MPPED2: variants seen among roughly 807,000 people sequenced by gnomAD.
MPPED2 encodes the protein metallophosphoesterase domain containing 2.
Under a neutral mutation model 33.0 loss-of-function variants are expected in MPPED2, and 5 were observed. The ratio of observed to expected loss-of-function variants is 0.15; its 90% CI spans 0.08 to 0.32. MPPED2 has a LOEUF of 0.32. MPPED2 is among the 10% of genes least tolerant of loss of function. The pLI is 1.00. For synonymous variants in MPPED2, 136 were observed against 141.9 expected, an observed-to-expected ratio of 0.96 and a Z score of 0.29; for missense variants, 275 against 372.1, an observed-to-expected ratio of 0.74 and a Z score of 2.15.
chr11:30,439,240 T>G (rs1490749708), intron 4 of MPPED2, among the ~76,000 whole-genome samples: 2 of 152,226 alleles, frequency 1.3e-5, no homozygotes, highest in East Asian at 3.8e-4. Flanking sequence ...ATGGCAATTA[T>G]TCTATTTTAG....
At chr11:30,442,421 A>G (rs1949618980) in intron 4 of MPPED2, among the ~76,000 whole-genome samples, 1 of 152,244 alleles carries the variant, frequency 6.6e-6, no homozygotes, top group Non-Finnish European at 1.5e-5. Context: ...TCAGGACAGC[A>G]GGGAAAACGG....
chr11:30,556,416 C>T (rs1565181245), intron 2 of MPPED2, among the ~76,000 whole-genome samples: 1 of 152,174 alleles, frequency 6.6e-6, no homozygotes, highest in African/African-American at 2.4e-5. Context: ...GTGGAACTAT[C>T]CCAAAAATAT....
chr11:30,512,201 A>T lies in MPPED2; in HGVS notation c.311-16680T>A, dbSNP rs544890348. On this transcript the variant is annotated intron_variant, in intron 3 of 6. Transcript: ENST00000358117. ...GGAAGATGTCCTCATGACTAGGGCC[A>T]TGCACCTTGGTTCCAGGGTCCCCTT... Among the ~76,000 whole-genome samples, 3 of 152,286 alleles carry T rather than the reference A, an allele frequency of 2.0e-5. No homozygotes were observed. In the East Asian group the frequency reaches 5.8e-4, roughly 30 times the overall value.
At chr11:30,486,339 A>G (rs182223190) in intron 4 of MPPED2, among the ~76,000 whole-genome samples, 1 of 151,148 alleles carries the variant, frequency 6.6e-6, no homozygotes, top group African/African-American at 2.4e-5. Context: ...GTGTTTGTCA[A>G]GTAGCCTGAA....
chr11:30,504,609 A>G, intron 3 of MPPED2: 1 of 413,276 alleles, frequency 2.4e-6, no homozygotes, highest in Admixed American at 3.1e-5. Flanking sequence ...GTTTGCACTC[A>G]CTTGACTCAG....
chr11:30,451,425 G>A (rs1305553031), intron 4 of MPPED2, among the ~76,000 whole-genome samples: 1 of 152,210 alleles, frequency 6.6e-6, no homozygotes, highest in Non-Finnish European at 1.5e-5. Flanking sequence ...CAGACTGAGG[G>A]ATGTGGTCTT....
chr11:30,426,371 G>C (rs1286471171), intron 4 of MPPED2, among the ~76,000 whole-genome samples: 1 of 149,632 alleles, frequency 6.7e-6, no homozygotes, highest in Admixed American at 6.6e-5. Context: ...ATATGCCATT[G>C]TGTGGGTATG....
chr11:30,513,666 T>TA (rs1953355718), intron 3 of MPPED2, among the ~76,000 whole-genome samples: 1 of 152,184 alleles, frequency 6.6e-6, no homozygotes, highest in South Asian at 2.1e-4. Flanking sequence ...CAGGAACCTG[T>TA]AATCTTCTCT....
chr11:30,562,303 C>T (rs747516812), intron 2 of MPPED2, among the ~76,000 whole-genome samples: 18 of 152,270 alleles, frequency 1.2e-4, no homozygotes, highest in South Asian at 2.1e-4. Flanking sequence ...TGCTGCCAGA[C>T]TTGAGAAGAA....
At chr11:30,473,750 G>A (rs1377471100) in intron 4 of MPPED2, among the ~76,000 whole-genome samples, 1 of 152,174 alleles carries the variant, frequency 6.6e-6, no homozygotes, top group Non-Finnish European at 1.5e-5. Flanking sequence ...ATTCAAGACA[G>A]TTACCATGTT....
At chr11:30,391,239 G>C (rs1947770620) in intron 6 of MPPED2, among the ~76,000 whole-genome samples, 2 of 152,276 alleles carry the variant, frequency 1.3e-5, no homozygotes, top group South Asian at 4.2e-4. Flanking sequence ...CTGGAGGGAA[G>C]CTCAGCAGCT....
At chr11:30,432,312 G>A (rs1166530148) in intron 4 of MPPED2, among the ~76,000 whole-genome samples, 1 of 152,112 alleles carries the variant, frequency 6.6e-6, no homozygotes, top group Non-Finnish European at 1.5e-5. Flanking sequence ...TCATTTTTCC[G>A]ATACTCAGTC....
chr11:30,515,079 AG>A (rs1468653210), intron 3 of MPPED2, among the ~76,000 whole-genome samples: 1 of 152,174 alleles, frequency 6.6e-6, no homozygotes, highest in Non-Finnish European at 1.5e-5. Flanking sequence ...TGGGCAAAAG[AG>A]TGAGACTCTA....
At chr11:30,520,276 T>G (rs1462108326) in intron 3 of MPPED2, among the ~76,000 whole-genome samples, 1 of 152,178 alleles carries the variant, frequency 6.6e-6, no homozygotes, top group African/African-American at 2.4e-5. Flanking sequence ...TGCAATAACA[T>G]CTATGATAGA....
At chr11:30,516,072 C>T (rs930999895) in intron 3 of MPPED2, among the ~76,000 whole-genome samples, 2 of 152,128 alleles carry the variant, frequency 1.3e-5, no homozygotes, top group Admixed American at 6.6e-5. Context: ...AGAGACACTG[C>T]TGATAAATCA....
intron 4 of MPPED2, among the ~76,000 whole-genome samples, chr11:30,454,489 A>AT (rs531016305): frequency 3.3e-5 from 5 of 151,670 alleles, no homozygotes; most frequent in East Asian, 1.9e-4. Context: ...AAAATTATAA[A>AT]TTTTTTTTTA....
chr11:30,408,084 C>T (rs1181602452), downstream of MPPED2, among the ~76,000 whole-genome samples: 2 of 152,100 alleles, frequency 1.3e-5, no homozygotes, highest in East Asian at 3.9e-4. Flanking sequence ...TCATCACCCC[C>T]GTTTTACATA....
intron 3 of MPPED2, among the ~76,000 whole-genome samples, chr11:30,530,872 G>A (rs2134445106): frequency 6.6e-6 from 1 of 152,336 alleles, no homozygotes; most frequent in East Asian, 1.9e-4. Context: ...CAACGTGCAG[G>A]AAGAACACAC....
chr11:30,464,530 T>G (rs1950631314), intron 4 of MPPED2, among the ~76,000 whole-genome samples: 1 of 152,218 alleles, frequency 6.6e-6, no homozygotes. Flanking sequence ...TAAGCCACTT[T>G]GAAACTCAGG....
Sources: allele counts gnomAD v4.1 joint callset (sites outside exome capture counted in the v4.1 genomes callset), GRCh38; gene constraint gnomAD v4.1.1; transcripts MANE v1.5; gene names NCBI Gene and HGNC (gene_info 2026-07-23, HGNC 2026-07-21).